EYA1: variants seen among roughly 807,000 people sequenced by gnomAD.
The protein encoded by EYA1 is protein phosphatase EYA1.
EYA1 carries 16 observed loss-of-function variants against 82.0 expected under a neutral mutation model. That is an observed-to-expected ratio of 0.20 (90% CI 0.13 to 0.30). The LOEUF is 0.30. Ranked by LOEUF, EYA1 falls within the 10% of genes least tolerant of loss-of-function variation. The probability of loss-of-function intolerance (pLI) is 1.00; values close to 1 mark genes in which losing one functional copy is unlikely to be tolerated. For synonymous variants in EYA1, 261 were observed against 264.4 expected, an observed-to-expected ratio of 0.99 and a Z score of 0.12; for missense variants, 633 against 730.7, an observed-to-expected ratio of 0.87 and a Z score of 1.54.
At chr8:71,312,820 A>AGGACT (rs1821496092) in intron 7 of EYA1, among the ~76,000 whole-genome samples, 2 of 152,234 alleles carry the variant, frequency 1.3e-5, no homozygotes, top group Non-Finnish European at 2.9e-5. Context: ...TTGGCATATA[A>AGGACT]AAAGTAAACA....
chr8:71,473,863 T>C (rs112936989), intron 2 of EYA1, among the ~76,000 whole-genome samples: 7 of 152,276 alleles, frequency 4.6e-5, no homozygotes, highest in African/African-American at 1.7e-4. Flanking sequence ...TGGAATACTA[T>C]GCAGCCATAA....
intron 2 of EYA1, among the ~76,000 whole-genome samples, chr8:71,376,446 G>C (rs1357906897): frequency 6.6e-6 from 1 of 152,146 alleles, no homozygotes; most frequent in East Asian, 1.9e-4. Flanking sequence ...GCACAAAAGT[G>C]ACATGATCTG....
chr8:71,289,417 T>G (rs1477260421), intron 9 of EYA1, among the ~76,000 whole-genome samples: 2 of 152,248 alleles, frequency 1.3e-5, no homozygotes, highest in Non-Finnish European at 2.9e-5. Context: ...AGCTCAAACA[T>G]TTAACACATA....
chr8:71,217,049 G>A (rs369387304), intron 12 of EYA1, 26 bp from the exon 13 acceptor site: 20 of 1,574,786 alleles, frequency 1.3e-5, no homozygotes, highest in Non-Finnish European at 1.7e-5. Context: ...AATGATACAT[G>A]TCAATTTTTT....
chr8:71,298,440 GAATC>G (rs1452267920), intron 9 of EYA1, among the ~76,000 whole-genome samples: 2 of 152,186 alleles, frequency 1.3e-5, no homozygotes, highest in Non-Finnish European at 1.5e-5. Flanking sequence ...TAGAAAGAAA[GAATC>G]AATGAGGGGA....
intron 2 of EYA1, among the ~76,000 whole-genome samples, chr8:71,511,959 G>A (rs753368510): frequency 6.6e-6 from 1 of 152,108 alleles, no homozygotes; most frequent in African/African-American, 2.4e-5. Flanking sequence ...AAAGATGCTT[G>A]GAACCAGTGC....
rs757532396 is a variant in EYA1 at position 71,271,843 on chromosome 8, C to T, written c.881G>A (p.Arg294Gln). 12 of 1,614,014 alleles carry T rather than the reference C, an allele frequency of 7.4e-6. No individual in the cohort carries two copies. Among genetic ancestry groups the T allele is most frequent in the Middle Eastern group, 1.6e-4 (1 of 6,084 alleles). The change falls in exon 10 of 18, where the codon CGA (arginine) becomes CAA (glutamine). Residue 294 changes from arginine to glutamine, a missense_variant. Arg to Gln is a conservative substitution (Grantham distance 43). Coordinates refer to ENST00000340726, the MANE Select transcript of EYA1 (RefSeq NM_000503.6). ...TTTCCCATCTGAACCTCGACGCAAT[C>T]GATCAGAATCTGAATCTTTAATGGG... is the stretch of plus-strand genomic sequence containing the variant. Reference protein sequence around the residue: ...STPIKDSDSDRLRRGSDGKSR... With the variant: ...STPIKDSDSDQLRRGSDGKSR...
chr8:71,321,510 G>A (rs1027621225), intron 6 of EYA1, among the ~76,000 whole-genome samples: 3 of 152,202 alleles, frequency 2.0e-5, no homozygotes, highest in Admixed American at 1.3e-4. Flanking sequence ...ATGAGAGCAA[G>A]AAGGCATACG....
intron 17 of EYA1, among the ~76,000 whole-genome samples, chr8:71,200,711 GAT>G (rs1286263654): frequency 6.6e-6 from 1 of 152,054 alleles, no homozygotes; most frequent in Non-Finnish European, 1.5e-5. Flanking sequence ...AGGTGTAGAA[GAT>G]ATAGAGATGC....
intron 3 of EYA1, among the ~76,000 whole-genome samples, chr8:71,341,711 AAAGTT>A (rs1274553952): frequency 6.6e-6 from 1 of 152,200 alleles, no homozygotes; most frequent in Non-Finnish European, 1.5e-5. Flanking sequence ...TCCAAAAAGT[AAAGTT>A]AAGGTCATCT....
At chr8:71,497,455 C>T (rs1260940089) in intron 2 of EYA1, among the ~76,000 whole-genome samples, 1 of 152,182 alleles carries the variant, frequency 6.6e-6, no homozygotes, top group Non-Finnish European at 1.5e-5. Context: ...GAACAGACAA[C>T]AGGTATATGA....
chr8:71,435,878 G>A (rs977688643), intron 2 of EYA1, among the ~76,000 whole-genome samples: 9 of 151,958 alleles, frequency 5.9e-5, no homozygotes, highest in African/African-American at 2.2e-4. Flanking sequence ...TGCCAATTTT[G>A]GTAATGTTTC....
At chr8:71,539,958 C>T (rs1426851490) in intron 1 of EYA1, among the ~76,000 whole-genome samples, 1 of 152,086 alleles carries the variant, frequency 6.6e-6, no homozygotes, top group Non-Finnish European at 1.5e-5. Context: ...CCCTTGGGAG[C>T]CCAGAAGCCT....
chr8:71,337,745 T>C (rs1824662876), intron 3 of EYA1, among the ~76,000 whole-genome samples: 1 of 152,238 alleles, frequency 6.6e-6, no homozygotes, highest in Non-Finnish European at 1.5e-5. Context: ...ATCATCATCA[T>C]TAAAAGTAGC....
At chr8:71,457,418 C>A (rs1325160291) in intron 2 of EYA1, among the ~76,000 whole-genome samples, 4 of 152,114 alleles carry the variant, frequency 2.6e-5, no homozygotes, top group East Asian at 1.9e-4. Context: ...TGGGTATATA[C>A]CCAAAGGATT....
intron 1 of EYA1, among the ~76,000 whole-genome samples, chr8:71,357,354 C>A (rs1268023054): frequency 1.3e-5 from 2 of 152,232 alleles, no homozygotes; most frequent in Non-Finnish European, 2.9e-5. Context: ...TTCAGGACTT[C>A]ACTGAACAAC....
chr8:71,406,541 G>C (rs1214941591), intron 2 of EYA1, among the ~76,000 whole-genome samples: 1 of 152,214 alleles, frequency 6.6e-6, no homozygotes, highest in Non-Finnish European at 1.5e-5. Context: ...CCGAAGCAGG[G>C]TGAGGCATTG....
intron 3 of EYA1, among the ~76,000 whole-genome samples, chr8:71,347,870 G>A (rs1340067868): frequency 2.3e-5 from 3 of 128,494 alleles, no homozygotes; most frequent in Admixed American, 1.6e-4. Context: ...GGTGTAATGG[G>A]ATACTGGAGG....
chr8:71,265,074 A>T (rs759309979), intron 11 of EYA1, among the ~76,000 whole-genome samples: 1 of 152,212 alleles, frequency 6.6e-6, no homozygotes, highest in African/African-American at 2.4e-5. Flanking sequence ...ACTCTAAGGC[A>T]TAGCGTATAC....
Sources: gnomAD v4.1 joint callset for allele counts (sites outside exome capture counted in the v4.1 genomes callset) on GRCh38, gnomAD v4.1.1 for gene constraint, MANE v1.5 for transcripts, NCBI Gene and HGNC (gene_info 2026-07-23, HGNC 2026-07-21) for gene names.